The following USH2A variants were observed in gnomAD, a reference collection of about 807,000 sequenced individuals.
USH2A encodes Usher syndrome 2A (autosomal recessive, mild).
In USH2A, 443 loss-of-function variants were observed where a neutral mutation model predicts 538.9. The ratio of observed to expected loss-of-function variants is 0.82; its 90% CI spans 0.76 to 0.89. USH2A has a LOEUF of 0.89. USH2A is among the 40% of genes least tolerant of loss of function. The probability of loss-of-function intolerance (pLI) is 0.00; values close to 1 mark genes in which losing one functional copy is unlikely to be tolerated. For synonymous variants in USH2A, 2,413 were observed against 2,273.5 expected (o/e 1.06, Z -1.75); for missense variants, 6,633 against 6,324.8 (o/e 1.05, Z -1.65).
At chr1:215,890,959 T>A (rs1665194000) in intron 40 of USH2A, among the ~76,000 whole-genome samples, 1 of 152,132 alleles carries the variant, frequency 6.6e-6, no homozygotes, top group Non-Finnish European at 1.5e-5. Flanking sequence ...GAATATTTTT[T>A]ATTAGGGTTT....
chr1:216,164,134 G>A lies in USH2A; in HGVS notation c.4627+11118C>T, dbSNP rs542744522. 2.0e-4 allele frequency among the ~76,000 whole-genome samples: 30 copies of A among 152,042 alleles called. No homozygotes were observed. In the South Asian group the frequency reaches 2.7e-3, roughly 14 times the overall value. On this transcript the variant is annotated intron_variant, in intron 21 of 71. Coordinates refer to ENST00000307340, the MANE Select transcript of USH2A (RefSeq NM_206933.4). ...TTGTGTTGCTCAGTATCCTTTTTACGACAGCAATCATAACATCAGCTAGTG... is the reference window on the plus strand; with the variant it reads ...TTGTGTTGCTCAGTATCCTTTTTACAACAGCAATCATAACATCAGCTAGTG...
intron 32 of USH2A, among the ~76,000 whole-genome samples, chr1:216,028,295 G>A (rs2102508292): frequency 6.6e-6 from 1 of 152,218 alleles, no homozygotes; most frequent in Admixed American, 6.5e-5. Flanking sequence ...GACTAAGGCA[G>A]GAGAATGGCT....
intron 32 of USH2A, among the ~76,000 whole-genome samples, chr1:216,033,519 A>C (rs2102513585): frequency 6.6e-6 from 1 of 152,348 alleles, no homozygotes; most frequent in Non-Finnish European, 1.5e-5. Context: ...GTAGTGTTGT[A>C]GAAATAAATG....
chr1:216,409,066 T>A (rs770865501), intron 3 of USH2A, among the ~76,000 whole-genome samples: 1 of 152,126 alleles, frequency 6.6e-6, no homozygotes, highest in African/African-American at 2.4e-5. Flanking sequence ...TGTATACTAA[T>A]GGCTACACAG....
chr1:215,648,459 T>C (rs1656931698), intron 66 of USH2A, 69 bp downstream of exon 66: 3 of 1,519,844 alleles, frequency 2.0e-6, no homozygotes, highest in Non-Finnish European at 1.8e-6. Context: ...CAGAGTAGGC[T>C]ATACCATGAG....
intron 9 of USH2A, among the ~76,000 whole-genome samples, chr1:216,311,012 A>C (rs1436026805): frequency 2.6e-5 from 4 of 152,174 alleles, no homozygotes. Context: ...CCTTCTTAAC[A>C]AGAGAGGTCC....
intron 9 of USH2A, among the ~76,000 whole-genome samples, chr1:216,310,850 T>A (rs1015607701): frequency 5.9e-5 from 9 of 152,228 alleles, no homozygotes; most frequent in Non-Finnish European, 1.2e-4. Flanking sequence ...GGTTCCCTGC[T>A]TTGTCTGTTT....
chr1:216,323,772 T>TTAC, intron 7 of USH2A, 77 bp from the exon 8 acceptor site: 2 of 1,318,786 alleles, frequency 1.5e-6, no homozygotes, highest in South Asian at 2.4e-5. Context: ...TGTTGAGAAA[T>TTAC]TACTACACAG....
In USH2A at chr1:215,623,245, T is replaced by G. The variant is rs978511797; in HGVS notation, c.*2536A>C. The G allele has an allele frequency of 6.6e-6, 1 of 152,128 alleles. No individual in the cohort carries two copies. The highest frequency in any genetic ancestry group is 2.4e-5 in the African/African-American group (1 of 41,422). The allele number at this position is 152,128 out of a possible 1,614,324, so 9.4% of individuals were successfully genotyped here. A position where few individuals can be genotyped will look rare whatever the true frequency, so the allele number is the denominator to read the frequency against. The stretch of plus-strand genomic sequence containing the variant: ...CTGAGAATGTGGCATGTACAATTGG[T>G]AAAATGTGAGTCAGGAGATTTAAAT... On this transcript the variant is annotated 3_prime_UTR_variant, in exon 72 of 72. Transcript: ENST00000307340.
At chr1:216,013,205 A>G (rs2102494479) in intron 32 of USH2A, among the ~76,000 whole-genome samples, 1 of 151,740 alleles carries the variant, frequency 6.6e-6, no homozygotes, top group Admixed American at 6.6e-5. Flanking sequence ...ACAAAACTGT[A>G]TCCAGGCCAT....
At chr1:216,319,086 CTTG>C (rs780391378) in intron 9 of USH2A, among the ~76,000 whole-genome samples, 9 of 152,110 alleles carry the variant, frequency 5.9e-5, no homozygotes, top group Admixed American at 1.3e-4. Flanking sequence ...CAAACTGTAG[CTTG>C]CAAATACTAG....
chr1:215,765,277 C>T (rs1281614723), intron 56 of USH2A, among the ~76,000 whole-genome samples: 2 of 152,066 alleles, frequency 1.3e-5, no homozygotes, highest in African/African-American at 4.8e-5. Context: ...TGGTTTCTTC[C>T]TTTCAAAGGA....
At chr1:215,816,853 A>G in intron 48 of USH2A, 144 bp downstream of exon 48, 1 of 869,252 alleles carries the variant, frequency 1.2e-6, no homozygotes, top group Non-Finnish European at 1.8e-6. Flanking sequence ...GATTTTTGTA[A>G]GCATCCTTTC....
intron 42 of USH2A, 37 bp from the exon 43 acceptor site, chr1:215,877,917 T>C: frequency 6.2e-7 from 1 of 1,612,906 alleles, no homozygotes; most frequent in Non-Finnish European, 8.5e-7. Flanking sequence ...CAGGATTATC[T>C]CAACTCATAT....
chr1:216,356,181 T>C lies in USH2A; in HGVS notation c.784+8772A>G, dbSNP rs2038389117. 2.0e-5 allele frequency among the ~76,000 whole-genome samples: 3 copies of C among 152,110 alleles called. No homozygotes were observed. In the South Asian group the frequency reaches 6.2e-4, roughly 31 times the overall value. On this transcript the variant is annotated intron_variant, in intron 4 of 71. Coordinates refer to ENST00000307340, the MANE Select transcript of USH2A (RefSeq NM_206933.4). ...TTATTATAGTAATAATAATTGTATG[T>C]ACAATGAGTTAAATGTCCAATGAAC... is the stretch of plus-strand genomic sequence containing the variant.
intron 6 of USH2A, among the ~76,000 whole-genome samples, chr1:216,324,742 T>G (rs972673524): frequency 6.6e-6 from 1 of 152,190 alleles, no homozygotes; most frequent in Non-Finnish European, 1.5e-5. Context: ...ATCTCAAACA[T>G]AAGGTCCTAC....
chr1:215,756,001 A>G (rs1447321193), intron 58 of USH2A, among the ~76,000 whole-genome samples: 2 of 152,190 alleles, frequency 1.3e-5, no homozygotes, highest in African/African-American at 2.4e-5. Context: ...GGGCTTTGAG[A>G]CCCAGCAAAT....
chr1:216,362,041 G>A (rs1424540733), intron 4 of USH2A, among the ~76,000 whole-genome samples: 1 of 152,114 alleles, frequency 6.6e-6, no homozygotes, highest in Non-Finnish European at 1.5e-5. Context: ...TTTTTTAAAT[G>A]AGAGTTACAC....
At chr1:215,790,022 T>A in intron 51 of USH2A, 37 bp downstream of exon 51, 1 of 1,591,946 alleles carries the variant, frequency 6.3e-7, no homozygotes, top group Non-Finnish European at 8.6e-7. Context: ...CTTTCCATTG[T>A]CAAATCAGCG....
Sources: gnomAD v4.1 joint callset for allele counts (sites outside exome capture counted in the v4.1 genomes callset) on GRCh38, gnomAD v4.1.1 for gene constraint, MANE v1.5 for transcripts, NCBI Gene and HGNC (gene_info 2026-07-23, HGNC 2026-07-21) for gene names.